The following RPTOR variants were observed in gnomAD, a reference collection of about 807,000 sequenced individuals.
RPTOR encodes regulatory associated protein of MTOR complex 1.
A neutral mutation model predicts 169.9 loss-of-function variants in RPTOR; 21 were observed. That is an observed-to-expected ratio of 0.12 (90% confidence interval 0.09 to 0.18). The LOEUF is 0.18. Ranked by LOEUF, RPTOR falls within the 10% of genes least tolerant of loss-of-function variation. The pLI, the probability that RPTOR is intolerant of heterozygous loss-of-function variation, is 1.00. For missense variants in RPTOR, 1,133 were observed against 1,855.9 expected, an observed-to-expected ratio of 0.61 and a Z score of 7.16; for synonymous variants, 732 against 753.2, an observed-to-expected ratio of 0.97 and a Z score of 0.46.
At chr17:80,780,686 C>A (rs1028560268) in intron 6 of RPTOR, among the ~76,000 whole-genome samples, 12 of 152,262 alleles carry the variant, frequency 7.9e-5, no homozygotes, top group African/African-American at 2.6e-4. Flanking sequence ...TTTGCACACA[C>A]GTCAGGTGAG....
chr17:80,923,568 G>A lies in RPTOR; in HGVS notation c.2703G>A (p.Leu901=). 6.2e-7 allele frequency: 1 copy of A among 1,613,526 alleles called. No homozygotes were observed. The highest frequency in any genetic ancestry group is 8.5e-7 in the Non-Finnish European group (1 of 1,180,002). The change falls in exon 23 of 34, where the codon TTG becomes TTA. Residue 901 remains leucine, a synonymous_variant. Transcript: ENST00000306801. ...CCAAGCAGCCGGTCAGCCGAGACTT[G>A]CCTTCTGGCCGGCCGGGCACCACAG... ...DVAKQPVSRD[L]PSGRPGTTGP... is the part of the protein sequence containing the mutation.
intron 20 of RPTOR, among the ~76,000 whole-genome samples, chr17:80,899,889 ACACCCTGCCCG>A (rs1464300243): frequency 6.6e-6 from 1 of 152,186 alleles, no homozygotes; most frequent in African/African-American, 2.4e-5. Context: ...ACAGTAGGGC[ACACCCTGCCCG>A]CACCCTGGCC....
chr17:80,788,182 A>C (rs1451401245), intron 6 of RPTOR, among the ~76,000 whole-genome samples: 2 of 152,182 alleles, frequency 1.3e-5, no homozygotes, highest in African/African-American at 4.8e-5. Context: ...TCAGTAAATT[A>C]AAAACACCAG....
rs184389096 is a variant in RPTOR at position 80,633,179 on chromosome 17, C to T, written c.265+7386C>T. 2.0e-5 allele frequency among the ~76,000 whole-genome samples: 3 copies of T among 152,310 alleles called. No homozygotes were observed. The highest frequency in any genetic ancestry group is 2.1e-4 in the South Asian group (1 of 4,828). On this transcript the variant is annotated intron_variant, in intron 2 of 33. Transcript: ENST00000306801. This position sits in a 1 kb window ranked among gnomAD's most constrained non-coding sequence, Gnocchi z 4.1. Reference sequence around the variant, plus strand: ...TCCTTTCTGATTCTCTGAGAGAAGGCGGCTGACATGGTGCTTCAGCACCTC... The same window carrying T: ...TCCTTTCTGATTCTCTGAGAGAAGGTGGCTGACATGGTGCTTCAGCACCTC...
intron 11 of RPTOR, among the ~76,000 whole-genome samples, chr17:80,854,752 G>A (rs1414766894): frequency 1.3e-5 from 2 of 152,192 alleles, no homozygotes; most frequent in Non-Finnish European, 2.9e-5. Flanking sequence ...AAATTAACCA[G>A]GCATGGTGGT....
chr17:80,912,204 C>T (rs1031702725), intron 21 of RPTOR, among the ~76,000 whole-genome samples: 2 of 152,206 alleles, frequency 1.3e-5, no homozygotes, highest in African/African-American at 2.4e-5. Context: ...GGCCAGTTCG[C>T]GTCTCTGCTG....
At chr17:80,881,370 A>G (rs1322620973) in intron 14 of RPTOR, among the ~76,000 whole-genome samples, 3 of 152,240 alleles carry the variant, frequency 2.0e-5, no homozygotes, top group Non-Finnish European at 4.4e-5. Flanking sequence ...ATCACTTCCC[A>G]TTCTTAAGAA....
chr17:80,813,627 C>T (rs2143583905), intron 7 of RPTOR, among the ~76,000 whole-genome samples: 1 of 152,274 alleles, frequency 6.6e-6, no homozygotes, highest in Admixed American at 6.5e-5. Flanking sequence ...ATGCACTGAC[C>T]TGGATTTTCA....
intron 1 of RPTOR, among the ~76,000 whole-genome samples, chr17:80,583,752 C>T (rs537937544): frequency 5.9e-5 from 9 of 152,188 alleles, no homozygotes; most frequent in African/African-American, 1.2e-4. Context: ...AGAGTAGAAA[C>T]GAGAATGCAC....
chr17:80,755,306 A>G (rs1479992550), intron 6 of RPTOR, among the ~76,000 whole-genome samples: 1 of 152,200 alleles, frequency 6.6e-6, no homozygotes, highest in Non-Finnish European at 1.5e-5. Flanking sequence ...ATAGTTGGAG[A>G]TGAAGGGAAG....
intron 3 of RPTOR, among the ~76,000 whole-genome samples, chr17:80,680,065 T>G (rs2065887051): frequency 6.8e-6 from 1 of 146,880 alleles, no homozygotes; most frequent in African/African-American, 2.6e-5. Context: ...GACCCCCAAG[T>G]GGGTCACAGT....
chr17:80,823,127 T>C lies in RPTOR; in HGVS notation c.1040T>C (p.Phe347Ser). The change falls in exon 9 of 34, where the codon TTT (phenylalanine) becomes TCT (serine). Residue 347 changes from phenylalanine to serine, a missense_variant. Coordinates refer to ENST00000306801, the MANE Select transcript of RPTOR (RefSeq NM_020761.3). The surrounding 1 kb of genome is among the most constrained non-coding windows in gnomAD (Gnocchi z 4.5). ...FRQDLLVASL[F>S]RNFLLAERIM... ...CAGGACTTGCTGGTGGCTAGTCTGT[T>C]TCGAAATTTTTTATTGGCGGAAAGG... 1 of 1,614,172 alleles carries C rather than the reference T, an allele frequency of 6.2e-7. No individual in the cohort carries two copies. Among genetic ancestry groups the C allele is most frequent in the Non-Finnish European group, 8.5e-7 (1 of 1,180,024 alleles).
At chr17:80,692,356 CTG>C (rs143849011) in intron 3 of RPTOR, among the ~76,000 whole-genome samples, 1 of 152,104 alleles carries the variant, frequency 6.6e-6, no homozygotes, top group African/African-American at 2.4e-5. Context: ...GAGTCTTACT[CTG>C]TTATCCAGGC....
In RPTOR at chr17:80,846,533, G is replaced by A; in HGVS notation, c.1273G>A (p.Glu425Lys). Residue 425 changes from glutamate (E) to lysine (K), a missense_variant, in exon 11 of 34, where the codon GAG becomes AAG. Transcript: ENST00000306801. ...CCAGGTGTGGCTCACCATGGGCGTG[G>A]AGAACCGAAACCCACCCGAACAGCT... Reference protein sequence around the residue: ...AFQVWLTMGVENRNPPEQLPI... With the variant: ...AFQVWLTMGVKNRNPPEQLPI... The A allele has an allele frequency of 6.2e-7, 1 of 1,614,216 alleles. No homozygotes were observed. The highest frequency in any genetic ancestry group is 8.5e-7 in the Non-Finnish European group (1 of 1,180,036).
rs2066161592 is a variant in RPTOR, at chr17:80,708,760, G to T, written c.507+761G>T. Among the ~76,000 whole-genome samples, 1 of 152,216 alleles carries T rather than the reference G, an allele frequency of 6.6e-6. No individual in the cohort carries two copies. Among genetic ancestry groups the T allele is most frequent in the Non-Finnish European group, 1.5e-5 (1 of 68,044 alleles). The stretch of plus-strand genomic sequence containing the variant: ...AGAGCAGCCAGCTATGGGTCTCACT[G>T]CGCTCTGCGTGATGCATGAAAAGCA... On this transcript the variant is annotated intron_variant, in intron 4 of 33. Transcript: ENST00000306801. The surrounding 1 kb of genome is among the most constrained non-coding windows in gnomAD (Gnocchi z 4.2).
intron 24 of RPTOR, among the ~76,000 whole-genome samples, chr17:80,927,112 G>T (rs149938381): frequency 1.3e-5 from 2 of 152,250 alleles, no homozygotes; most frequent in Admixed American, 1.3e-4. Context: ...GGAATTGGAT[G>T]CAGGAAGCAG....
At chr17:80,883,513 GAGCTCA>G (rs1422358534) in intron 15 of RPTOR, 29 bp downstream of exon 15, 1 of 1,609,246 alleles carries the variant, frequency 6.2e-7, no homozygotes, top group East Asian at 2.2e-5. Context: ...CCCAGCCCCA[GAGCTCA>G]CCCTTGGCAT....
At chr17:80,603,447 G>T (rs1437720478) in intron 1 of RPTOR, among the ~76,000 whole-genome samples, 1 of 152,216 alleles carries the variant, frequency 6.6e-6, no homozygotes, top group Non-Finnish European at 1.5e-5. Flanking sequence ...GTGGGGGTTG[G>T]TGCATCCTTT....
In RPTOR at chr17:80,823,605, T is replaced by C. The variant is rs966918618; in HGVS notation, c.1136+382T>C. The C allele has an allele frequency of 5.4e-6, 1 of 185,826 alleles. No individual in the cohort carries two copies. Among genetic ancestry groups the C allele is most frequent in the African/African-American group, 2.4e-5 (1 of 42,358 alleles). 11.5% of individuals were successfully genotyped at this position (185,826 alleles called of 1,614,324 possible). ...AAGATCGCTCTGGAGAATTAAACTG[T>C]TGGGCTCATGATCAATTAGTTTTTA... is the stretch of plus-strand genomic sequence containing the variant. On this transcript the variant is annotated intron_variant, in intron 9 of 33. Coordinates refer to ENST00000306801, the MANE Select transcript of RPTOR (RefSeq NM_020761.3). The surrounding 1 kb of genome is among the most constrained non-coding windows in gnomAD (Gnocchi z 4.5).
Sources: allele counts gnomAD v4.1 joint callset (sites outside exome capture counted in the v4.1 genomes callset), GRCh38; gene constraint gnomAD v4.1.1; non-coding constraint Gnocchi (gnomAD v3.1); transcripts MANE v1.5; gene names NCBI Gene and HGNC (gene_info 2026-07-23, HGNC 2026-07-21).